ZNF324: variants seen among roughly 807,000 people sequenced by gnomAD.
The protein encoded by ZNF324 is zinc finger protein 324.
A neutral mutation model predicts 10.3 loss-of-function variants in ZNF324; 3 were observed. The observed-to-expected ratio is 0.29, with a 90% CI of 0.13 to 0.75. The LOEUF (loss-of-function observed/expected upper bound fraction) is 0.75. Among genes scored for constraint, ZNF324 ranks in the 30% least tolerant of loss-of-function variants. The probability of loss-of-function intolerance (pLI) is 0.69; values close to 1 mark genes in which losing one functional copy is unlikely to be tolerated. For missense variants in ZNF324, 763 were observed against 784.4 expected (o/e 0.97, Z 0.33); for synonymous variants, 430 against 339.5 (o/e 1.27, Z -2.93).
chr19:58,467,696 C>T (rs4801598), intron 1 of ZNF324: 115,606 of 151,236 alleles, frequency 0.76, 45,488 homozygotes, highest in East Asian at 0.91. Context: ...GCTGAGGTCC[C>T]GAAGGAGGCT....
chr19:58,470,980 C>T lies in ZNF324; in HGVS notation c.488C>T (p.Thr163Ile). Reference sequence around the variant, plus strand: ...CAAGCCAGCGTCAGCCTGCGACTGACCTCCCCGCTTAGGCCTCCCGAGGGC... The same window carrying T: ...CAAGCCAGCGTCAGCCTGCGACTGATCTCCCCGCTTAGGCCTCCCGAGGGC... Reference protein sequence around the residue: ...SGQASVSLRLTSPLRPPEGVR... With the variant: ...SGQASVSLRLISPLRPPEGVR... The change falls in exon 4 of 4, where the codon ACC (threonine) becomes ATC (isoleucine). Residue 163 changes from threonine (T) to isoleucine (I), a missense_variant. By Grantham distance (89) the Thr-to-Ile change is moderately conservative. Transcript: ENST00000196482. 1 of 1,614,226 alleles carries T rather than the reference C, an allele frequency of 6.2e-7. No homozygotes were observed. Among genetic ancestry groups the T allele is most frequent in the Non-Finnish European group, 8.5e-7 (1 of 1,180,048 alleles).
intron 2 of ZNF324, 26 bp from the exon 3 acceptor site, chr19:58,469,702 C>T (rs2122407490): frequency 1.3e-6 from 2 of 1,548,082 alleles, no homozygotes; most frequent in Middle Eastern, 1.8e-4. Flanking sequence ...TGGGGCTGGA[C>T]TCTAACCTGC....
rs376509235 is a variant in ZNF324 at position 58,470,843 on chromosome 19, C to T, written c.351C>T (p.His117=). The change falls in exon 4 of 4, where the codon CAC becomes CAT. Residue 117 remains histidine (H), a synonymous_variant. Transcript: ENST00000196482. ...TSVFPVAGAC[H]SVKSLQRQRG... is the part of the protein sequence containing the mutation. ...TCTTCCCTGTTGCCGGTGCCTGCCA[C>T]AGTGTAAAAAGCCTGCAGAGACAAC... 2.2e-4 allele frequency: 357 copies of T among 1,614,208 alleles called. 1 individual carries two copies. The South Asian group carries it at 3.6e-3, about 16-fold the overall frequency.
In ZNF324 at chr19:58,472,434, C is replaced by T; in HGVS notation, c.*280C>T. On this transcript the variant is annotated 3_prime_UTR_variant, in exon 4 of 4. Coordinates refer to ENST00000196482, the MANE Select transcript of ZNF324 (RefSeq NM_014347.3). Reference sequence around the variant, plus strand: ...AGACTATTCAGAGCCAGTAGGAGGCCGACAGTCACAGCACTGCACTGTGGT... The same window carrying T: ...AGACTATTCAGAGCCAGTAGGAGGCTGACAGTCACAGCACTGCACTGTGGT... 5 of 475,564 alleles carry T rather than the reference C, an allele frequency of 1.1e-5. No homozygotes were observed. The highest frequency in any genetic ancestry group is 7.5e-5 in the South Asian group (2 of 26,720). The allele number at this position is 475,564 out of a possible 1,614,324, so 29.5% of individuals were successfully genotyped here.
In ZNF324 at chr19:58,474,947, C is replaced by T. The variant is rs984000011; in HGVS notation, c.*2793C>T. The T allele has an allele frequency of 6.6e-6, 1 of 152,218 alleles. No homozygotes were observed. Among genetic ancestry groups the T allele is most frequent in the Non-Finnish European group, 1.5e-5 (1 of 68,044 alleles). 9.4% of individuals were successfully genotyped at this position (152,218 alleles called of 1,614,324 possible). On this transcript the variant is annotated 3_prime_UTR_variant, in exon 4 of 4. Coordinates refer to ENST00000196482, the MANE Select transcript of ZNF324 (RefSeq NM_014347.3). ...CCGCAGAAGGCTGAGAACCAGCAGC[C>T]CAGAGACGGGAGACCTATATCAAAG... is the stretch of plus-strand genomic sequence containing the variant.
Position 58,471,638 on chromosome 19 carries a change from G to T in ZNF324, c.1146G>T (p.Ser382=). The T allele has an allele frequency of 1.9e-6, 3 of 1,610,658 alleles. No homozygotes were observed. The highest frequency in any genetic ancestry group is 2.5e-6 in the Non-Finnish European group (3 of 1,179,656). ...AQCGRRFCRN[S]HLIQHERTHT... The stretch of plus-strand genomic sequence containing the variant: ...GTGGCCGCCGCTTCTGCCGCAACTC[G>T]CACCTGATCCAGCACGAGCGTACGC... The change falls in exon 4 of 4, where the codon TCG becomes TCT. Residue 382 remains serine, a synonymous_variant. Coordinates refer to ENST00000196482, the MANE Select transcript of ZNF324 (RefSeq NM_014347.3).
chr19:58,469,370 C>T, intron 2 of ZNF324, 64 bp downstream of exon 2: 1 of 1,581,464 alleles, frequency 6.3e-7, no homozygotes, highest in South Asian at 1.2e-5. Context: ...AGGGCTGCCC[C>T]CTCACCTCCC....
Position 58,475,414 on chromosome 19 carries a change from A to G in ZNF324, c.*3260A>G, listed in dbSNP as rs1250670599. 1.3e-5 allele frequency: 2 copies of G among 152,244 alleles called. No individual in the cohort carries two copies. Among genetic ancestry groups the G allele is most frequent in the African/African-American group, 4.8e-5 (2 of 41,454 alleles). The allele number at this position is 152,244 out of a possible 1,614,324, so 9.4% of individuals were successfully genotyped here. ...CTGCTCCCCAAATTCAAAGGTAAAT[A>G]AACGGTTGAGCATGTCCGATCAGCC... On this transcript the variant is annotated 3_prime_UTR_variant, in exon 4 of 4. Transcript: ENST00000196482.
chr19:58,467,948 AGGGGT>A (rs1385224362), intron 1 of ZNF324, among the ~76,000 whole-genome samples: 2 of 151,910 alleles, frequency 1.3e-5, no homozygotes, highest in Non-Finnish European at 2.9e-5. Flanking sequence ...ACAGACATGC[AGGGGT>A]GTCGGCATGA....
Position 58,469,809 on chromosome 19 carries a change from C to T in ZNF324, c.203C>T (p.Thr68Ile), listed in dbSNP as rs760864996. 2 of 1,601,688 alleles carry T rather than the reference C, an allele frequency of 1.2e-6. No homozygotes were observed. Among genetic ancestry groups the T allele is most frequent in the South Asian group, 1.1e-5 (1 of 88,482 alleles). The part of the protein sequence containing the change: ...EPWVPSGTDT[T>I]LSRTTYRRRN... ...TGGGTTCCCAGTGGAACGGACACAACCCTGTCCAGGACCACCTACAGGAGG... is the reference window on the plus strand; with the variant it reads ...TGGGTTCCCAGTGGAACGGACACAATCCTGTCCAGGACCACCTACAGGAGG... The change falls in exon 3 of 4, where the codon ACC becomes ATC. Residue 68 changes from threonine (T) to isoleucine (I), a missense_variant. Transcript: ENST00000196482.
At position 58,471,853 on chromosome 19, in the gene ZNF324, G is replaced by T. The variant is rs553418741; in HGVS notation, c.1361G>T (p.Arg454Leu). 6.2e-7 allele frequency: 1 copy of T among 1,612,448 alleles called. No individual in the cohort carries two copies. The highest frequency in any genetic ancestry group is 1.7e-5 in the Admixed American group (1 of 59,986). ...CTGCACACGGGCGAGCGGCCCTTCCGCTGCGTGGACTGTGGCAAGGCCTTC... is the reference window on the plus strand; with the variant it reads ...CTGCACACGGGCGAGCGGCCCTTCCTCTGCGTGGACTGTGGCAAGGCCTTC... ...QLLHTGERPF[R>L]CVDCGKAFAK... Residue 454 changes from arginine to leucine, a missense_variant, in exon 4 of 4, where the codon CGC becomes CTC. This residue lies in a region of ZNF324 where 231 missense variants were observed against 196.0 expected (regional missense o/e 1.18). Coordinates refer to ENST00000196482, the MANE Select transcript of ZNF324 (RefSeq NM_014347.3).
chr19:58,471,602 T>C lies in ZNF324; in HGVS notation c.1110T>C (p.Ala370=), dbSNP rs1022059740. ...TCCACGCGGGTGGGCGTCCTTATGC[T>C]TGCGCACAGTGTGGCCGCCGCTTCT... is the stretch of plus-strand genomic sequence containing the variant. ...RKIHAGGRPY[A]CAQCGRRFCR... The change falls in exon 4 of 4, where the codon GCT becomes GCC. Residue 370 remains alanine, a synonymous_variant. Transcript: ENST00000196482. The C allele has an allele frequency of 2.1e-5, 33 of 1,605,740 alleles. No individual in the cohort carries two copies. The highest frequency in any genetic ancestry group is 2.7e-5 in the Non-Finnish European group (32 of 1,177,976).
chr19:58,474,200 C>T lies in ZNF324; in HGVS notation c.*2046C>T, dbSNP rs1428309886. The T allele has an allele frequency of 6.6e-6, 1 of 152,234 alleles. No homozygotes were observed. The highest frequency in any genetic ancestry group is 1.5e-5 in the Non-Finnish European group (1 of 68,056). 9.4% of individuals were successfully genotyped at this position (152,234 alleles called of 1,614,324 possible). On this transcript the variant is annotated 3_prime_UTR_variant, in exon 4 of 4. Transcript: ENST00000196482. ...TTGGGCCACCAGAATCCCAGTAGGT[C>T]CCTGAACCATTGTCCCCCAGTAAGT...
Position 58,471,731 on chromosome 19 carries a change from T to C in ZNF324, c.1239T>C (p.Phe413=). The C allele has an allele frequency of 1.2e-6, 2 of 1,611,314 alleles. No individual in the cohort carries two copies. The highest frequency in any genetic ancestry group is 1.7e-6 in the Non-Finnish European group (2 of 1,179,038). Residue 413 remains phenylalanine, a synonymous_variant, in exon 4 of 4, where the codon TTT becomes TTC. Transcript: ENST00000196482. ...GAAFSQGSSL[F]KHQRVHTGEK... is the part of the protein sequence containing the mutation. Reference sequence around the variant, plus strand: ...CCTTCAGCCAGGGCTCCTCGCTCTTTAAGCACCAGCGCGTGCACACAGGCG... The same window carrying C: ...CCTTCAGCCAGGGCTCCTCGCTCTTCAAGCACCAGCGCGTGCACACAGGCG...
At chr19:58,468,065 C>G (rs921849602) in intron 1 of ZNF324, 25 of 364,322 alleles carry the variant, frequency 6.9e-5, no homozygotes, top group Non-Finnish European at 8.8e-5. Flanking sequence ...GTTTGAAGAA[C>G]TAAGTACCCC....
At chr19:58,470,568 T>C in intron 3 of ZNF324, 163 bp from the exon 4 acceptor site, 2 of 820,406 alleles carry the variant, frequency 2.4e-6, no homozygotes, top group Non-Finnish European at 4.1e-6. Flanking sequence ...CAGGGCAGAT[T>C]GTTCCTCCAA....
At position 58,472,224 on chromosome 19, in the gene ZNF324, TC is replaced by T; in HGVS notation, c.*72del. Reference sequence around the variant, plus strand: ...CTAAAGGGCATATGTCCTCTGCAGATCCACAGCAGAGAAAAAGTCCCGTGCT... The same window carrying T: ...CTAAAGGGCATATGTCCTCTGCAGATCACAGCAGAGAAAAAGTCCCGTGCT... On this transcript the variant is annotated 3_prime_UTR_variant, in exon 4 of 4. Transcript: ENST00000196482. The T allele has an allele frequency of 7.0e-7, 1 of 1,423,782 alleles. No homozygotes were observed. Among genetic ancestry groups the T allele is most frequent in the Non-Finnish European group, 9.3e-7 (1 of 1,072,922 alleles). The allele number at this position is 1,423,782 out of a possible 1,614,324, so 88.2% of individuals were successfully genotyped here. A position where few individuals can be genotyped will look rare whatever the true frequency, so the allele number is the denominator to read the frequency against.
At chr19:58,468,624 C>T (rs2053001807) in intron 1 of ZNF324, among the ~76,000 whole-genome samples, 1 of 152,106 alleles carries the variant, frequency 6.6e-6, no homozygotes, top group African/African-American at 2.4e-5. Flanking sequence ...AAGGGTGCAT[C>T]TGGGGAGGGT....
chr19:58,471,957 G>A lies in ZNF324; in HGVS notation c.1465G>A (p.Ala489Thr), dbSNP rs1325981220. 3 of 1,609,430 alleles carry A rather than the reference G, an allele frequency of 1.9e-6. No individual in the cohort carries two copies. Among genetic ancestry groups the A allele is most frequent in the African/African-American group, 2.7e-5 (2 of 75,044 alleles). Residue 489 changes from alanine (A) to threonine (T), a missense_variant, in exon 4 of 4, where the codon GCC becomes ACC. Coordinates refer to ENST00000196482, the MANE Select transcript of ZNF324 (RefSeq NM_014347.3). ...CTTCGTGTGTACGCAGTGTGGCCGC[G>A]CCTTCCGTGAGCGCCCGGCCCTCTT... is the stretch of plus-strand genomic sequence containing the variant. ...KPFVCTQCGRAFRERPALFHH... is the reference protein window; with the variant it reads ...KPFVCTQCGRTFRERPALFHH...
Sources: allele counts gnomAD v4.1 joint callset (sites outside exome capture counted in the v4.1 genomes callset), GRCh38; gene constraint gnomAD v4.1.1; regional missense constraint gnomAD v4.1.1; transcripts MANE v1.5; gene names NCBI Gene and HGNC (gene_info 2026-07-23, HGNC 2026-07-21).